CELSR3: variants seen among roughly 807,000 people sequenced by gnomAD.
CELSR3 encodes the protein EGF-like protein 1.
Under a neutral mutation model 270.0 loss-of-function variants are expected in CELSR3, and 73 were observed. The observed-to-expected ratio is 0.27, with a 90% confidence interval of 0.22 to 0.33. The LOEUF (loss-of-function observed/expected upper bound fraction) is 0.33. Ranked by LOEUF, CELSR3 falls within the 10% of genes least tolerant of loss-of-function variation. CELSR3 has a pLI of 1.00. For missense variants in CELSR3, 3,614 were observed against 4,533.8 expected (o/e 0.80, Z 5.83); for synonymous variants, 1,780 against 1,905.4 (o/e 0.93, Z 1.71).
In CELSR3 at chr3:48,655,701, A is replaced by C; in HGVS notation, c.4741+35T>G. 1 of 1,569,878 alleles carries C rather than the reference A, an allele frequency of 6.4e-7. No homozygotes were observed. Among genetic ancestry groups the C allele is most frequent in the Non-Finnish European group, 8.8e-7 (1 of 1,140,190 alleles). On this transcript the variant is annotated intron_variant, in intron 4 of 34. Transcript: ENST00000164024. This position sits in a 1 kb window ranked among gnomAD's most constrained non-coding sequence, Gnocchi z 5.8. ...TTGGGCCCTGCGTCCTCCAGCACACACGCACCCTTTCGCCGTCACATCCGG... is the reference window on the plus strand; with the variant it reads ...TTGGGCCCTGCGTCCTCCAGCACACCCGCACCCTTTCGCCGTCACATCCGG...
chr3:48,661,104 G>C lies in CELSR3; in HGVS notation c.1531C>G (p.Leu511Val). 1 of 1,612,986 alleles carries C rather than the reference G, an allele frequency of 6.2e-7. No individual in the cohort carries two copies. Among genetic ancestry groups the C allele is most frequent in the Non-Finnish European group, 8.5e-7 (1 of 1,179,806 alleles). Reference sequence around the variant, plus strand: ...CCCTGGTCGCTGGCTTCCACCACCAGCTCATAGCTTTCCATGTGCTCGCGG... The same window carrying C: ...CCCTGGTCGCTGGCTTCCACCACCACCTCATAGCTTTCCATGTGCTCGCGG... ...VDREHMESYELVVEASDQGQE... is the reference protein window; with the variant it reads ...VDREHMESYEVVVEASDQGQE... Residue 511 changes from leucine to valine, a missense_variant, in exon 1 of 35, where the codon CTG becomes GTG. Physicochemically the swap from Leu to Val is conservative, Grantham distance 32. Coordinates refer to ENST00000164024, the MANE Select transcript of CELSR3 (RefSeq NM_001407.3).
chr3:48,661,107 C>T lies in CELSR3; in HGVS notation c.1528G>A (p.Glu510Lys). The change falls in exon 1 of 35, where the codon GAG (glutamate) becomes AAG (lysine). Residue 510 changes from glutamate to lysine, a missense_variant. Physicochemically the swap from Glu to Lys is moderately conservative, Grantham distance 56. Transcript: ENST00000164024. ...TGGTCGCTGGCTTCCACCACCAGCT[C>T]ATAGCTTTCCATGTGCTCGCGGTCC... ...RVDREHMESY[E>K]LVVEASDQGQ... 2.5e-6 allele frequency: 4 copies of T among 1,612,826 alleles called. No homozygotes were observed. The highest frequency in any genetic ancestry group is 3.4e-6 in the Non-Finnish European group (4 of 1,179,712).
Position 48,661,960 on chromosome 3 carries a change from T to C in CELSR3, c.675A>G (p.Ala225=). ...GQGERATTSG[A]ERTAPRRNCL... ...AGTTCCGCCGGGGGGCTGTCCTTTC[T>C]GCTCCGGATGTCGTGGCTCTCTCGC... The change falls in exon 1 of 35, where the codon GCA becomes GCG. Residue 225 remains alanine, a synonymous_variant. Coordinates refer to ENST00000164024, the MANE Select transcript of CELSR3 (RefSeq NM_001407.3). 3 of 1,613,874 alleles carry C rather than the reference T, an allele frequency of 1.9e-6. No homozygotes were observed. The highest frequency in any genetic ancestry group is 2.5e-6 in the Non-Finnish European group (3 of 1,180,036).
At chr3:48,648,949 T>C (rs2047112639) in intron 17 of CELSR3, 21 bp from the exon 18 acceptor site, 3 of 1,611,570 alleles carry the variant, frequency 1.9e-6, no homozygotes, top group Non-Finnish European at 2.5e-6. Flanking sequence ...AAGGAGATGG[T>C]TGCTCTGTGG....
At position 48,646,815 on chromosome 3, in the gene CELSR3, T is replaced by C; in HGVS notation, c.7243A>G (p.Thr2415Ala). 6.2e-7 allele frequency: 1 copy of C among 1,607,254 alleles called. No homozygotes were observed. Residue 2415 changes from threonine to alanine, a missense_variant, in exon 21 of 35, where the codon ACC becomes GCC. Physicochemically the swap from Thr to Ala is moderately conservative, Grantham distance 58 (BLOSUM62 0). This residue lies in a region of CELSR3 where 1,240 missense variants were observed against 1,351.7 expected (regional missense o/e 0.92). Transcript: ENST00000164024. The surrounding 1 kb of genome is among the most constrained non-coding windows in gnomAD (Gnocchi z 4.8). The stretch of plus-strand genomic sequence containing the variant: ...TGGGCAGGGAGCAGTCCCCCTAAGG[T>C]GCGGTAAACGAGGAGAATGATAATG... Reference protein sequence around the residue: ...ISIIILLVYRTLGGLLPAQFQ... With the variant: ...ISIIILLVYRALGGLLPAQFQ...
In CELSR3 at chr3:48,646,979, C is replaced by T. The variant is rs1328051571; in HGVS notation, c.7130-51G>A. On this transcript the variant is annotated intron_variant, in intron 20 of 34. Transcript: ENST00000164024. The surrounding 1 kb of genome is among the most constrained non-coding windows in gnomAD (Gnocchi z 4.8). ...TGTCAGTGACCTTTGACCCAAAGCA[C>T]CCACCAACCCAGCTCTGAACCCGAT... The T allele has an allele frequency of 3.4e-6, 5 of 1,454,280 alleles. No homozygotes were observed. Among genetic ancestry groups the T allele is most frequent in the Non-Finnish European group, 2.7e-6 (3 of 1,100,766 alleles). The allele number at this position is 1,454,280 out of a possible 1,614,324, so 90.1% of individuals were successfully genotyped here.
At position 48,661,766 on chromosome 3, in the gene CELSR3, C is replaced by A. The variant is rs775013858; in HGVS notation, c.869G>T (p.Arg290Leu). The change falls in exon 1 of 35, where the codon CGC (arginine) becomes CTC (leucine). Residue 290 changes from arginine (R) to leucine (L), a missense_variant. By Grantham distance (102) the Arg-to-Leu change is moderately radical. Transcript: ENST00000164024. ...GLFRCRFLPQ[R>L]PGPRPPGLPA... ...GAGTCCCGGGGGACGCGGCCCGGGG[C>A]GCTGCGGGAGGAAGCGGCAGCGGAA... 5.6e-6 allele frequency: 9 copies of A among 1,595,304 alleles called. No individual in the cohort carries two copies. The South Asian group carries it at 7.9e-5, about 14-fold the overall frequency.
chr3:48,640,058 G>A lies in CELSR3; in HGVS notation c.9527C>T (p.Pro3176Leu). Residue 3176 changes from proline (P) to leucine (L), a missense_variant, in exon 34 of 35, where the codon CCC (proline) becomes CTC (leucine). Transcript: ENST00000164024. This position sits in a 1 kb window ranked among gnomAD's most constrained non-coding sequence, Gnocchi z 7.5. ...GGGGTCCCTTGAGAGTTGCCGCTGG[G>A]GAGACAGGGGCAGAGGTGGGGGCTG... ...DPQPPPLPLS[P>L]QRQLSRDPLL... 6 of 1,610,766 alleles carry A rather than the reference G, an allele frequency of 3.7e-6. No individual in the cohort carries two copies. Among genetic ancestry groups the A allele is most frequent in the Non-Finnish European group, 5.1e-6 (6 of 1,179,690 alleles).
Position 48,645,167 on chromosome 3 carries a change from GGAA to G in CELSR3, c.7837_7839del (p.Phe2613del). 6.3e-7 allele frequency: 1 copy of G among 1,593,894 alleles called. No homozygotes were observed. ...ACGAAGAGCCACGCGAAGGTGCTGA[GGAA>G]GAAGTAGTGCAGGAGGATGGCGACT... On this transcript the variant is annotated inframe_deletion, in exon 25 of 35. Coordinates refer to ENST00000164024, the MANE Select transcript of CELSR3 (RefSeq NM_001407.3). This position sits in a 1 kb window ranked among gnomAD's most constrained non-coding sequence, Gnocchi z 5.4.
rs1178617963 is a variant in CELSR3, at chr3:48,645,871, G to A, written c.7464-3C>T. On this transcript the variant is annotated splice_polypyrimidine_tract_variant and splice_region_variant and intron_variant, in intron 22 of 34. Transcript: ENST00000164024. This position sits in a 1 kb window ranked among gnomAD's most constrained non-coding sequence, Gnocchi z 5.4. ...TCCACACACCATGCTGCTCCGCCCT[G>A]CAGCCACAGGGCAGTTAGACACAAC... 6.3e-7 allele frequency: 1 copy of A among 1,593,118 alleles called. No individual in the cohort carries two copies. Among genetic ancestry groups the A allele is most frequent in the Non-Finnish European group, 8.6e-7 (1 of 1,167,050 alleles).
chr3:48,642,879 A>G lies in CELSR3; in HGVS notation c.8412T>C (p.Pro2804=), dbSNP rs1488541572. 8 of 1,612,912 alleles carry G rather than the reference A, an allele frequency of 5.0e-6. No individual in the cohort carries two copies. Among genetic ancestry groups the G allele is most frequent in the Non-Finnish European group, 5.1e-6 (6 of 1,179,890 alleles). ...AGAGAGCCGTGTTGTTGTAGGCCCC[A>G]GGTCCCTGGGGGTGGTAGGGACAGA... ...EEARPAPGLG[P]GAYNNTALFE... The change falls in exon 30 of 35, where the codon CCT becomes CCC. Residue 2804 remains proline (P), a synonymous_variant. Coordinates refer to ENST00000164024, the MANE Select transcript of CELSR3 (RefSeq NM_001407.3). This position sits in a 1 kb window ranked among gnomAD's most constrained non-coding sequence, Gnocchi z 6.1.
At position 48,639,553 on chromosome 3, in the gene CELSR3, TG is replaced by T; in HGVS notation, c.9911+120del. ...TGTGGCCCTCTGGCTGTGCTGAGCC[TG>T]GGGTAGCCCACACCTGTCTGCCAGC... On this transcript the variant is annotated intron_variant, in intron 34 of 34. Transcript: ENST00000164024. The surrounding 1 kb of genome is among the most constrained non-coding windows in gnomAD (Gnocchi z 4.1). 7.4e-7 allele frequency: 1 copy of T among 1,355,838 alleles called. No individual in the cohort carries two copies. The allele number at this position is 1,355,838 out of a possible 1,614,324, so 84.0% of individuals were successfully genotyped here.
intron 19 of CELSR3, 40 bp from the exon 20 acceptor site, chr3:48,648,036 C>G: frequency 6.2e-7 from 1 of 1,606,194 alleles, no homozygotes; most frequent in Non-Finnish European, 8.5e-7. Flanking sequence ...TCATGGACCT[C>G]TTCCCCCTGC....
Position 48,653,514 on chromosome 3 carries a change from C to T in CELSR3, c.5448+105G>A. On this transcript the variant is annotated intron_variant, in intron 9 of 34. Transcript: ENST00000164024. This position sits in a 1 kb window ranked among gnomAD's most constrained non-coding sequence, Gnocchi z 6.5. ...GCAGGGTCAAGTGTGGTTGGGACAC[C>T]TGGCAGAAAAGTATGCTGTGTGACC... is the stretch of plus-strand genomic sequence containing the variant. 1 of 1,385,712 alleles carries T rather than the reference C, an allele frequency of 7.2e-7. No homozygotes were observed. The allele number at this position is 1,385,712 out of a possible 1,614,324, so 85.8% of individuals were successfully genotyped here.
At position 48,649,110 on chromosome 3, in the gene CELSR3, G is replaced by T. The variant is rs943892389; in HGVS notation, c.6567+11C>A. The T allele has an allele frequency of 2.5e-6, 4 of 1,608,430 alleles. No individual in the cohort carries two copies. Among genetic ancestry groups the T allele is most frequent in the Non-Finnish European group, 3.4e-6 (4 of 1,177,222 alleles). On this transcript the variant is annotated intron_variant, in intron 17 of 34. Transcript: ENST00000164024. Reference sequence around the variant, plus strand: ...GTCTTAGGTTGCAGGAAAAGGTCTGGGCAGTCTCACCAGCAGACTGAGCTC... The same window carrying T: ...GTCTTAGGTTGCAGGAAAAGGTCTGTGCAGTCTCACCAGCAGACTGAGCTC...
At position 48,644,182 on chromosome 3, in the gene CELSR3, T is replaced by G; in HGVS notation, c.8165+34A>C. The G allele has an allele frequency of 6.3e-7, 1 of 1,587,262 alleles. No homozygotes were observed. Among genetic ancestry groups the G allele is most frequent in the Non-Finnish European group, 8.6e-7 (1 of 1,158,622 alleles). The stretch of plus-strand genomic sequence containing the variant: ...CCCACCCAGGAGGGACCTGCCATCC[T>G]GAGAAGCCCCCTTCCTCCAGCCAGC... On this transcript the variant is annotated intron_variant, in intron 27 of 34. Transcript: ENST00000164024. The surrounding 1 kb of genome is among the most constrained non-coding windows in gnomAD (Gnocchi z 4.8).
chr3:48,649,874 T>C (rs2047121987), intron 16 of CELSR3, among the ~76,000 whole-genome samples: 1 of 152,102 alleles, frequency 6.6e-6, no homozygotes, highest in Non-Finnish European at 1.5e-5. Context: ...TGAGCATGCG[T>C]ACACAAACAA....
Position 48,640,527 on chromosome 3 carries a change from C to A in CELSR3, c.9058G>T (p.Val3020Leu). 1 of 1,599,190 alleles carries A rather than the reference C, an allele frequency of 6.3e-7. No homozygotes were observed. Among genetic ancestry groups the A allele is most frequent in the Non-Finnish European group, 8.5e-7 (1 of 1,170,684 alleles). Reference sequence around the variant, plus strand: ...TCAGGGGCACCTCGGGTCTGTGGCACCAGTGGGTATTGCAACCGGTTCTTC... The same window carrying A: ...TCAGGGGCACCTCGGGTCTGTGGCAACAGTGGGTATTGCAACCGGTTCTTC... Reference protein sequence around the residue: ...ILKNRLQYPLVPQTRGAPELS... With the variant: ...ILKNRLQYPLLPQTRGAPELS... The change falls in exon 34 of 35, where the codon GTG becomes TTG. Residue 3020 changes from valine (V) to leucine (L), a missense_variant. Coordinates refer to ENST00000164024, the MANE Select transcript of CELSR3 (RefSeq NM_001407.3). This position sits in a 1 kb window ranked among gnomAD's most constrained non-coding sequence, Gnocchi z 7.5.
In CELSR3 at chr3:48,654,030, A is replaced by G. The variant is rs2047160046; in HGVS notation, c.5153-27T>C. 6.2e-7 allele frequency: 1 copy of G among 1,608,922 alleles called. No individual in the cohort carries two copies. The highest frequency in any genetic ancestry group is 1.1e-5 in the South Asian group (1 of 90,958). On this transcript the variant is annotated intron_variant, in intron 7 of 34. Transcript: ENST00000164024. The surrounding 1 kb of genome is among the most constrained non-coding windows in gnomAD (Gnocchi z 5.4). ...TGGGAGAGGAAAGCACATGGCGGAC[A>G]TGAGAACAAGGGTTGGGGGGCACAA...
Sources: gnomAD v4.1 joint callset for allele counts (sites outside exome capture counted in the v4.1 genomes callset) on GRCh38, gnomAD v4.1.1 for gene constraint, gnomAD v4.1.1 regional missense constraint, Gnocchi (gnomAD v3.1) non-coding constraint, MANE v1.5 for transcripts, NCBI Gene and HGNC (gene_info 2026-07-23, HGNC 2026-07-21) for gene names.